The following NBPF20 variants were observed in gnomAD, a reference collection of about 807,000 sequenced individuals.
NBPF20 encodes the protein NBPF family member NBPF20.
In NBPF20, 90 loss-of-function variants were observed where a neutral mutation model predicts 68.1. The observed-to-expected ratio is 1.32, with a 90% CI of 1.11 to 1.58. The LOEUF is 1.58. Ranked by LOEUF, NBPF20 falls within the 40% of genes most tolerant of loss-of-function variation. The pLI is 0.00. For synonymous variants in NBPF20, 290 were observed against 228.1 expected (o/e 1.27, Z -2.45); for missense variants, 816 against 601.2 (o/e 1.36, Z -3.74).
chr1:145,400,333 A>G (rs1662460923), intron 6 of NBPF20, 56 bp downstream of exon 11: 5 of 1,608,156 alleles, frequency 3.1e-6, no homozygotes. Flanking sequence ...CTGTCTTCAG[A>G]GTTTATCTTC....
chr1:145,394,161 C>G (rs1662096411), intron 8 of NBPF20, among the ~76,000 whole-genome samples: 2 of 152,046 alleles, frequency 1.3e-5, no homozygotes. Context: ...TGTTATCTTC[C>G]CTATGTGCTC....
chr1:145,393,304 C>A (rs1432914877), intron 9 of NBPF20, 58 bp from the exon 15 acceptor site: 2 of 675,308 alleles, frequency 3.0e-6, no homozygotes, highest in African/African-American at 1.8e-5. Context: ...CCACACAGCC[C>A]CAGCTAGATT....
the NBPF20 span, among the ~76,000 whole-genome samples, chr1:145,420,156 CAA>C: frequency 2.0e-5 from 3 of 148,496 alleles, no homozygotes. Flanking sequence ...AGGGTGGAAA[CAA>C]GAGACGGAAA....
chr1:145,419,227 G>A, the NBPF20 span, among the ~76,000 whole-genome samples: 1 of 151,534 alleles, frequency 6.6e-6, no homozygotes, highest in African/African-American at 2.4e-5. Context: ...AGAGAAGTAG[G>A]GAAGGAGAGA....
chr1:145,338,105 G>T (rs1661590940), intron 79 of NBPF20, among the ~76,000 whole-genome samples: 2 of 57,560 alleles, frequency 3.5e-5, no homozygotes, highest in Non-Finnish European at 7.1e-5. Flanking sequence ...ACTGATGAGG[G>T]AGTAACAGGA....
chr1:145,393,772 C>A (rs1662064854), intron 9 of NBPF20, 112 bp downstream of exon 14: 1 of 1,485,564 alleles, frequency 6.7e-7, no homozygotes, highest in African/African-American at 1.4e-5. Context: ...AGGCATAATT[C>A]AGACTTGTCT....
At chr1:145,394,779 A>T (rs1422703674) in intron 8 of NBPF20, among the ~76,000 whole-genome samples, 199 bp downstream of exon 13, 11 of 152,126 alleles carry the variant, frequency 7.2e-5, no homozygotes, top group African/African-American at 2.7e-4. Flanking sequence ...TGAGACTAGG[A>T]AGAGAGCAAA....
chr1:145,403,155 C>G (rs1662606908), intron 3 of NBPF20, 61 bp downstream of exon 8: 46 of 1,600,146 alleles, frequency 2.9e-5, no homozygotes, highest in Non-Finnish European at 3.7e-5. Flanking sequence ...CCCCACCGAG[C>G]TGCTGTATTT....
chr1:145,410,025 C>T (rs1662944849), upstream of NBPF20, among the ~76,000 whole-genome samples: 1 of 151,976 alleles, frequency 6.6e-6, no homozygotes, highest in African/African-American at 2.4e-5. Flanking sequence ...GATCATTGTG[C>T]AGACACAGTG....
intron 137 of NBPF20, 45 bp from the exon 143 acceptor site, chr1:145,291,814 A>G: frequency 6.2e-7 from 1 of 1,611,992 alleles, no homozygotes; most frequent in South Asian, 1.1e-5. Flanking sequence ...GGAAAATCAG[A>G]AACCACAGAG....
At chr1:145,417,231 C>T in the NBPF20 span, among the ~76,000 whole-genome samples, 1 of 151,180 alleles carries the variant, frequency 6.6e-6, no homozygotes, top group Non-Finnish European at 1.5e-5. Context: ...ATAGCCTTTC[C>T]AACTAGTGGT....
chr1:145,291,805 G>C (rs782163749), intron 137 of NBPF20, 36 bp from the exon 143 acceptor site: 9 of 1,611,786 alleles, frequency 5.6e-6, no homozygotes, highest in South Asian at 2.2e-5. Context: ...AGCAGCCAGG[G>C]AAAATCAGAA....
exon 138 of NBPF20, chr1:145,291,495 G>A (rs782606679): frequency 2.5e-6 from 4 of 1,612,024 alleles, no homozygotes; most frequent in Admixed American, 3.3e-5. Flanking sequence ...CTGCCTGCAG[G>A]AATGACATCT....
chr1:145,410,793 T>A, the NBPF20 span, among the ~76,000 whole-genome samples: 1 of 110,066 alleles, frequency 9.1e-6, no homozygotes, highest in Non-Finnish European at 1.8e-5. Context: ...CACACATATA[T>A]ATACGTATAT....
upstream of NBPF20, among the ~76,000 whole-genome samples, chr1:145,409,730 G>A (rs1179870553): frequency 6.6e-6 from 1 of 151,700 alleles, no homozygotes; most frequent in African/African-American, 2.4e-5. Context: ...TTTAACTGAG[G>A]TTCCAGAGGA....
the NBPF20 span, among the ~76,000 whole-genome samples, chr1:145,425,416 G>T: frequency 3.9e-5 from 6 of 152,130 alleles, no homozygotes; most frequent in Non-Finnish European, 8.8e-5. Flanking sequence ...CAGCCGCGCC[G>T]CCGCGCCTCG....
At chr1:145,412,366 C>T in the NBPF20 span, among the ~76,000 whole-genome samples, 1 of 152,058 alleles carries the variant, frequency 6.6e-6, no homozygotes, top group Admixed American at 6.6e-5. Context: ...GGTTGCTGCA[C>T]TCACAACCAC....
intron 6 of NBPF20, among the ~76,000 whole-genome samples, chr1:145,400,171 A>C (rs1251297608): frequency 2.6e-5 from 4 of 152,188 alleles, no homozygotes; most frequent in Non-Finnish European, 5.9e-5. Flanking sequence ...GGTGACTATG[A>C]GATTGTCACA....
At chr1:145,352,338 C>A (rs1553659995) in intron 61 of NBPF20, among the ~76,000 whole-genome samples, 1,061 of 89,398 alleles carry the variant, frequency 0.012, 11 homozygotes, top group Non-Finnish European at 0.018. Context: ...CAGACACACA[C>A]ACACACACAG....
Sources: gnomAD v4.1 joint callset for allele counts (sites outside exome capture counted in the v4.1 genomes callset) on GRCh38, gnomAD v4.1.1 for gene constraint, MANE v1.5 for transcripts, NCBI Gene and HGNC (gene_info 2026-07-23, HGNC 2026-07-21) for gene names.